LAMA5: variants seen among roughly 807,000 people sequenced by gnomAD.
LAMA5 encodes laminin subunit alpha-5.
Under a neutral mutation model 433.4 loss-of-function variants are expected in LAMA5, and 260 were observed. The ratio of observed to expected loss-of-function variants is 0.60; its 90% CI spans 0.54 to 0.66. The LOEUF is 0.66. Among genes scored for constraint, LAMA5 ranks in the 30% least tolerant of loss-of-function variants. The pLI is 0.00. For missense variants in LAMA5, 5,378 were observed against 5,258.5 expected, an observed-to-expected ratio of 1.02 and a Z score of -0.70; for synonymous variants, 2,620 against 2,226.6, an observed-to-expected ratio of 1.18 and a Z score of -4.97.
In LAMA5 at chr20:62,335,290, C is replaced by T. The variant is rs761884316; in HGVS notation, c.2324-21G>A. 4 of 1,611,156 alleles carry T rather than the reference C, an allele frequency of 2.5e-6. No individual in the cohort carries two copies. The East Asian group carries it at 6.7e-5, about 27-fold the overall frequency. The stretch of plus-strand genomic sequence containing the variant: ...GCAGCCTGGGGAGAGCAGGGCAGGA[C>T]TCAGATGCTTGGTGGGGCAGGAGAG... On this transcript the variant is annotated intron_variant, in intron 18 of 79. Coordinates refer to ENST00000252999, the MANE Select transcript of LAMA5 (RefSeq NM_005560.6).
intron 70 of LAMA5, 32 bp from the exon 71 acceptor site, chr20:62,311,816 T>TTGGGCCC: frequency 5.5e-5 from 84 of 1,520,754 alleles, no homozygotes; most frequent in Non-Finnish European, 6.8e-5. Context: ...GCTCGGTTTT[T>TTGGGCCC]CCCCACCCTG....
intron 61 of LAMA5, 40 bp downstream of exon 61, chr20:62,314,515 A>C (rs1986716449): frequency 6.2e-7 from 1 of 1,606,212 alleles, no homozygotes; most frequent in Non-Finnish European, 8.5e-7. Flanking sequence ...TTCCAAACAG[A>C]GCCTGAGCTC....
rs114163294 is a variant in LAMA5, at chr20:62,347,567, G to A, written c.957-539C>T. ...CTAGGCATCCTGGTCACCTCCCTAGGGCCAAGTGGCCAAGAACTGCTTCCT... is the reference window on the plus strand; with the variant it reads ...CTAGGCATCCTGGTCACCTCCCTAGAGCCAAGTGGCCAAGAACTGCTTCCT... On this transcript the variant is annotated intron_variant, in intron 6 of 79. Transcript: ENST00000252999. 5.3e-3 allele frequency among the ~76,000 whole-genome samples: 802 copies of A among 152,296 alleles called. 7 individuals carry two copies. The highest frequency in any genetic ancestry group is 0.019 in the African/African-American group (776 of 41,564).
rs139977032 is a variant in LAMA5 at position 62,337,872 on chromosome 20, C to T, written c.1958G>A (p.Arg653His). 61 of 1,612,472 alleles carry T rather than the reference C, an allele frequency of 3.8e-5. No individual in the cohort carries two copies. In the African/African-American group the frequency reaches 5.9e-4, roughly 16 times the overall value. Residue 653 changes from arginine (R) to histidine (H), a missense_variant, in exon 15 of 80, where the codon CGC (arginine) becomes CAC (histidine). Coordinates refer to ENST00000252999, the MANE Select transcript of LAMA5 (RefSeq NM_005560.6). Reference protein sequence around the residue: ...LCGAGGLCRCRPGYTGTACQE... With the variant: ...LCGAGGLCRCHPGYTGTACQE... ...GCAGGCAGTGCCTGTGTAGCCGGGG[C>T]GGCAGCGGCACAAACCTCCCGCCCC...
rs1314878297 is a variant in LAMA5, at chr20:62,314,286, C to G, written c.8504+18G>C. On this transcript the variant is annotated intron_variant, in intron 62 of 79. Transcript: ENST00000252999. Reference sequence around the variant, plus strand: ...CCCTGCAGTTGGAGGCATCCGGCCTCTCTCCTGGGCCTCCCACCTGTCCAG... The same window carrying G: ...CCCTGCAGTTGGAGGCATCCGGCCTGTCTCCTGGGCCTCCCACCTGTCCAG... 1 of 1,610,796 alleles carries G rather than the reference C, an allele frequency of 6.2e-7. No individual in the cohort carries two copies. The highest frequency in any genetic ancestry group is 8.5e-7 in the Non-Finnish European group (1 of 1,178,616).
intron 38 of LAMA5, 23 bp from the exon 39 acceptor site, chr20:62,326,989 T>C: frequency 6.5e-7 from 1 of 1,538,456 alleles, no homozygotes; most frequent in South Asian, 1.2e-5. Flanking sequence ...CAGACAGAGG[T>C]GACCTGGCCA....
rs765916215 is a variant in LAMA5, at chr20:62,351,932, G to A, written c.835C>T (p.Arg279Trp). The part of the protein sequence containing the change: ...LLGHLMGKAL[R>W]DPTVTRRYYY... ...ACCCGGCGGGTGACCGTGGGGTCCC[G>A]CAGCGCCTTCCCCATGAGATGGCCC... The change falls in exon 5 of 80, where the codon CGG becomes TGG. Residue 279 changes from arginine (R) to tryptophan (W), a missense_variant. Coordinates refer to ENST00000252999, the MANE Select transcript of LAMA5 (RefSeq NM_005560.6). 19 of 1,608,850 alleles carry A rather than the reference G, an allele frequency of 1.2e-5. No individual in the cohort carries two copies. The highest frequency in any genetic ancestry group is 6.7e-5 in the Admixed American group (4 of 59,578).
At chr20:62,356,680 G>A (rs867677270) in intron 2 of LAMA5, among the ~76,000 whole-genome samples, 1 of 152,012 alleles carries the variant, frequency 6.6e-6, no homozygotes, top group African/African-American at 2.4e-5. Context: ...GGAGTACGGG[G>A]CCCAGGACCC....
intron 18 of LAMA5, 63 bp from the exon 19 acceptor site, chr20:62,335,332 C>T (rs1382520737): frequency 1.7e-5 from 27 of 1,565,136 alleles, no homozygotes; most frequent in South Asian, 3.4e-5. Context: ...TCCAGCCCCC[C>T]GAGGAACCCC....
chr20:62,345,191 C>T (rs577549515), intron 11 of LAMA5, among the ~76,000 whole-genome samples: 260 of 151,114 alleles, frequency 1.7e-3, no homozygotes, highest in Non-Finnish European at 3.1e-3. Flanking sequence ...CTAGTAGAGA[C>T]GGGGTTTCAC....
At chr20:62,309,896 A>G in intron 78 of LAMA5, 61 bp from the exon 79 acceptor site, 1 of 1,606,340 alleles carries the variant, frequency 6.2e-7, no homozygotes, top group Non-Finnish European at 8.5e-7. Flanking sequence ...CTCCAGCCCC[A>G]AAAGAAGCCA....
chr20:62,355,160 AG>A (rs1380337816), intron 2 of LAMA5: 3 of 152,428 alleles, frequency 2.0e-5, no homozygotes, highest in Admixed American at 2.0e-4. Context: ...GGCCCTAAAA[AG>A]GCCAGCAGGC....
rs759484480 is a variant in LAMA5 at position 62,329,876 on chromosome 20, G to A, written c.4020C>T (p.Cys1340=). 102 of 1,610,994 alleles carry A rather than the reference G, an allele frequency of 6.3e-5. No homozygotes were observed. The Admixed American group carries it at 1.7e-3, about 27-fold the overall frequency. The change falls in exon 32 of 80, where the codon TGC becomes TGT. Residue 1340 remains cysteine (C), a synonymous_variant. Coordinates refer to ENST00000252999, the MANE Select transcript of LAMA5 (RefSeq NM_005560.6). ...GGCCCTCACACACCACCAGGGTGCG[G>A]CAGCCGTAGCCATGTGGACAGAAGC... The part of the protein sequence containing the change: ...NASFCPHGYG[C]RTLVVCEGQA...
In LAMA5 at chr20:62,329,203, C is replaced by T; in HGVS notation, c.4170G>A (p.Arg1390=). The T allele has an allele frequency of 1.9e-6, 3 of 1,612,820 alleles. No individual in the cohort carries two copies. The highest frequency in any genetic ancestry group is 2.5e-6 in the Non-Finnish European group (3 of 1,179,912). Residue 1390 remains arginine (R), a synonymous_variant, in exon 33 of 80, where the codon CGG becomes CGA. Coordinates refer to ENST00000252999, the MANE Select transcript of LAMA5 (RefSeq NM_005560.6). ...PENVYSFGYL[R]EEPLDKSYDF... ...CATAGGATTTATCCAGGGGCTCCTC[C>T]CGGAGGTAGCCAAAGCTGTAGACGT...
At chr20:62,361,858 G>T (rs991406213) in intron 2 of LAMA5, among the ~76,000 whole-genome samples, 1 of 152,228 alleles carries the variant, frequency 6.6e-6, no homozygotes, top group Non-Finnish European at 1.5e-5. Flanking sequence ...CCCAGCTGCA[G>T]CCTCCTGCTT....
Position 62,346,143 on chromosome 20 carries a change from T to G in LAMA5, c.1355A>C (p.Asn452Thr). 3 of 1,613,054 alleles carry G rather than the reference T, an allele frequency of 1.9e-6. No homozygotes were observed. The highest frequency in any genetic ancestry group is 2.5e-6 in the Non-Finnish European group (3 of 1,179,970). Residue 452 changes from asparagine (N) to threonine (T), a missense_variant, in exon 10 of 80, where the codon AAC becomes ACC. By Grantham distance (65) the Asn-to-Thr change is moderately conservative (BLOSUM62 0). Coordinates refer to ENST00000252999, the MANE Select transcript of LAMA5 (RefSeq NM_005560.6). ...DLTGRCYCRP[N>T]FSGERCDVCA... ...CACGTCACACCGCTCCCCAGAGAAG[T>G]TGGGCCGGCAGTAGCATCGACCCGT... is the stretch of plus-strand genomic sequence containing the variant.
At chr20:62,326,626 G>A (rs762833608) in intron 40 of LAMA5, 51 bp downstream of exon 40, 23 of 1,466,670 alleles carry the variant, frequency 1.6e-5, no homozygotes, top group Non-Finnish European at 3.8e-6. Context: ...GGCCTTCCCA[G>A]ATGAGCTGAG....
intron 20 of LAMA5, among the ~76,000 whole-genome samples, 194 bp from the exon 21 acceptor site, chr20:62,334,815 T>A (rs995925867): frequency 1.6e-5 from 2 of 127,932 alleles, no homozygotes; most frequent in South Asian, 5.1e-4. Context: ...TGCCCAGGTG[T>A]AGGACAGGGG....
At chr20:62,346,890 CGT>C in intron 7 of LAMA5, 21 bp downstream of exon 7, 1 of 1,610,464 alleles carries the variant, frequency 6.2e-7, no homozygotes, top group Non-Finnish European at 8.5e-7. Flanking sequence ...GCAGGACACA[CGT>C]GTGTGGGAGG....
Sources: allele counts gnomAD v4.1 joint callset (sites outside exome capture counted in the v4.1 genomes callset), GRCh38; gene constraint gnomAD v4.1.1; transcripts MANE v1.5; gene names NCBI Gene and HGNC (gene_info 2026-07-23, HGNC 2026-07-21).